The following NEK1 variants were observed in gnomAD, a reference collection of about 807,000 sequenced individuals.
NEK1 encodes the protein serine/threonine-protein kinase Nek1.
NEK1 carries 137 observed loss-of-function variants against 182.1 expected under a neutral mutation model. That is an observed-to-expected ratio of 0.75 (90% confidence interval 0.65 to 0.87). NEK1 has a LOEUF of 0.87. Among genes scored for constraint, NEK1 ranks in the 40% least tolerant of loss-of-function variants. The probability of loss-of-function intolerance (pLI) is 0.00; values close to 1 mark genes in which losing one functional copy is unlikely to be tolerated. For synonymous variants in NEK1, 513 were observed against 492.2 expected, an observed-to-expected ratio of 1.04 and a Z score of -0.56; for missense variants, 1,391 against 1,494.4, an observed-to-expected ratio of 0.93 and a Z score of 1.14.
intron 2 of NEK1, among the ~76,000 whole-genome samples, chr4:169,609,347 G>C (rs1771927417): frequency 6.6e-6 from 1 of 152,112 alleles, no homozygotes; most frequent in African/African-American, 2.4e-5. Flanking sequence ...TCAATTTCTA[G>C]CAATTTACCC....
At chr4:169,435,842 A>G (rs1439189711) in intron 28 of NEK1, among the ~76,000 whole-genome samples, 3 of 152,166 alleles carry the variant, frequency 2.0e-5, no homozygotes, top group Non-Finnish European at 4.4e-5. Context: ...ATACCAGTTG[A>G]TGCTACATGG....
At chr4:169,422,924 T>C (rs1579477939) in intron 31 of NEK1, among the ~76,000 whole-genome samples, 1 of 152,190 alleles carries the variant, frequency 6.6e-6, no homozygotes, top group Non-Finnish European at 1.5e-5. Context: ...TCCTTATCTA[T>C]AGGCCTTTCT....
At chr4:169,442,156 C>T (rs1404564385) in intron 27 of NEK1, among the ~76,000 whole-genome samples, 3 of 152,140 alleles carry the variant, frequency 2.0e-5, no homozygotes, top group African/African-American at 7.2e-5. Context: ...TTACCTGGAC[C>T]CACTATCACC....
chr4:169,546,177 C>A (rs1024418953), intron 18 of NEK1, among the ~76,000 whole-genome samples: 1 of 152,072 alleles, frequency 6.6e-6, no homozygotes, highest in Non-Finnish European at 1.5e-5. Context: ...GATTCTGGTA[C>A]GTTGTGTCTT....
chr4:169,426,033 G>A, intron 30 of NEK1, 113 bp downstream of exon 30: 2 of 735,036 alleles, frequency 2.7e-6, no homozygotes, highest in Non-Finnish European at 4.5e-6. Context: ...AAATGATTGA[G>A]ATGACTGATA....
At position 169,493,088 on chromosome 4, in the gene NEK1, C is replaced by T. The variant is rs537396013; in HGVS notation, c.2008-13554G>A. On this transcript the variant is annotated intron_variant, in intron 23 of 35. Transcript: ENST00000507142. ...AATAAATCTGCTGTATCTTACTCTT[C>T]GGCACCATCTACTGGACTGCAGCCT... Among the ~76,000 whole-genome samples the T allele has an allele frequency of 4.6e-5, 7 of 152,214 alleles. No individual in the cohort carries two copies. The South Asian group carries it at 6.2e-4, about 14-fold the overall frequency.
Position 169,570,467 on chromosome 4 carries a change from C to A in NEK1, c.1020+6461G>T, listed in dbSNP as rs900284902. Among the ~76,000 whole-genome samples, 18 of 149,326 alleles carry A rather than the reference C, an allele frequency of 1.2e-4. 1 individual carries two copies. Among genetic ancestry groups the A allele is most frequent in the Admixed American group, 1.2e-3 (18 of 15,126 alleles). On this transcript the variant is annotated intron_variant, in intron 12 of 35. Coordinates refer to ENST00000507142, the MANE Select transcript of NEK1 (RefSeq NM_001199397.3). ...TCTGGGAGGGAGGTGGGGGGATCAG[C>A]CCCCCGCCCGGCCAGCCGCCCCGTC...
Position 169,555,755 on chromosome 4 carries a change from T to A in NEK1, c.1527A>T (p.Arg509Ser). 6.2e-7 allele frequency: 1 copy of A among 1,613,860 alleles called. No individual in the cohort carries two copies. Among genetic ancestry groups the A allele is most frequent in the Non-Finnish European group, 8.5e-7 (1 of 1,179,782 alleles). ...DADDIRKTLK[R>S]LKAVSKQANA... ...TGGCTTGTTTAGACACCGCCTTCAA[T>A]CTTTTCAAAGTTTTTCTAATATCAT... Residue 509 changes from arginine (R) to serine (S), a missense_variant, in exon 18 of 36, where the codon AGA becomes AGT. Coordinates refer to ENST00000507142, the MANE Select transcript of NEK1 (RefSeq NM_001199397.3).
At chr4:169,413,825 T>G (rs931091481) in intron 31 of NEK1, among the ~76,000 whole-genome samples, 10 of 152,200 alleles carry the variant, frequency 6.6e-5, no homozygotes, top group African/African-American at 2.4e-5. Flanking sequence ...AAGATGAGCC[T>G]GGGCTACACG....
chr4:169,574,584 G>A (rs550947198), intron 12 of NEK1, among the ~76,000 whole-genome samples: 26 of 150,982 alleles, frequency 1.7e-4, no homozygotes, highest in Non-Finnish European at 3.1e-4. Context: ...TCCAGCCTGG[G>A]CGACAGAGGG....
intron 2 of NEK1, among the ~76,000 whole-genome samples, chr4:169,606,560 G>A (rs1210709259): frequency 6.6e-6 from 1 of 152,118 alleles, no homozygotes; most frequent in African/African-American, 2.4e-5. Context: ...GATTGGTGAA[G>A]AGCTTGTGTA....
At chr4:169,507,274 A>G in intron 22 of NEK1, 142 bp from the exon 23 acceptor site, 1 of 533,440 alleles carries the variant, frequency 1.9e-6, no homozygotes, top group East Asian at 3.1e-5. Context: ...TAAAAATGTA[A>G]GCTCACTCTA....
chr4:169,602,396 A>C (rs1297035621), intron 3 of NEK1, 118 bp downstream of exon 3: 1 of 657,586 alleles, frequency 1.5e-6, no homozygotes, highest in African/African-American at 1.8e-5. Flanking sequence ...GCGGGAATAA[A>C]GGAGTCTTTT....
At chr4:169,442,304 A>G (rs1309676053) in intron 27 of NEK1, among the ~76,000 whole-genome samples, 1 of 152,150 alleles carries the variant, frequency 6.6e-6, no homozygotes, top group Non-Finnish European at 1.5e-5. Context: ...TCATAACCTA[A>G]GACACACAGG....
At chr4:169,461,334 C>G (rs1743938277) in intron 27 of NEK1, among the ~76,000 whole-genome samples, 2 of 152,200 alleles carry the variant, frequency 1.3e-5, no homozygotes, top group South Asian at 4.1e-4. Context: ...TGCTTATTCT[C>G]TGTGGCTTTC....
chr4:169,576,861 T>C, intron 12 of NEK1, 67 bp downstream of exon 12: 1 of 1,378,000 alleles, frequency 7.3e-7, no homozygotes, highest in Non-Finnish European at 1.0e-6. Context: ...GGTAACTGAA[T>C]TGAGCTGCAA....
At chr4:169,440,593 C>T (rs555472964) in intron 27 of NEK1, among the ~76,000 whole-genome samples, 17 of 152,194 alleles carry the variant, frequency 1.1e-4, no homozygotes, top group African/African-American at 2.9e-4. Flanking sequence ...AGGAATTCAG[C>T]CGCAAAGGGA....
At chr4:169,507,158 T>G in intron 22 of NEK1, 26 bp from the exon 23 acceptor site, 1 of 1,467,274 alleles carries the variant, frequency 6.8e-7, no homozygotes, top group East Asian at 2.3e-5. Context: ...ATTAACAAAA[T>G]GAGTTACCAG....
At chr4:169,529,986 T>C (rs1193171917) in intron 19 of NEK1, among the ~76,000 whole-genome samples, 1 of 152,160 alleles carries the variant, frequency 6.6e-6, no homozygotes, top group Non-Finnish European at 1.5e-5. Flanking sequence ...AAAAAGAGTT[T>C]TTAAAAAATC....
Sources: allele counts gnomAD v4.1 joint callset (sites outside exome capture counted in the v4.1 genomes callset), GRCh38; gene constraint gnomAD v4.1.1; transcripts MANE v1.5; gene names NCBI Gene and HGNC (gene_info 2026-07-23, HGNC 2026-07-21).